Variants in MAPDA observed in about 807,000 individuals in gnomAD.
The protein encoded by MAPDA is N6-Methyl-AMP deaminase.
chr15:43,337,164 T>C, the MAPDA span, among the ~76,000 whole-genome samples: 1 of 150,560 alleles, frequency 6.6e-6, no homozygotes, highest in African/African-American at 2.4e-5. Flanking sequence ...TAGTCCCAGC[T>C]ACTCGGGAGG....
chr15:43,330,641 G>T, the MAPDA span: 1 of 879,820 alleles, frequency 1.1e-6, no homozygotes, highest in Non-Finnish European at 1.6e-6. Flanking sequence ...TCCGGGAAGA[G>T]CGCATCTCGC....
At chr15:43,346,142 C>A in the MAPDA span, among the ~76,000 whole-genome samples, 1 of 152,094 alleles carries the variant, frequency 6.6e-6, no homozygotes. Context: ...ATGCCTAGAG[C>A]AGCTCTCATC....
the MAPDA span, chr15:43,349,033 C>CGGA: frequency 2.5e-6 from 4 of 1,614,156 alleles, no homozygotes; most frequent in Non-Finnish European, 3.4e-6. Flanking sequence ...GAGGCAACAT[C>CGGA]GGATACCACT....
the MAPDA span, among the ~76,000 whole-genome samples, chr15:43,346,447 T>G: frequency 6.6e-6 from 1 of 152,188 alleles, no homozygotes; most frequent in Admixed American, 6.5e-5. Flanking sequence ...GTAGGATGTT[T>G]AGCAGCATCC....
At chr15:43,353,716 C>T in the MAPDA span, 1 of 152,242 alleles carries the variant, frequency 6.6e-6, no homozygotes, top group Non-Finnish European at 1.5e-5. Flanking sequence ...CTCCATAAAA[C>T]TCCAGAAGAA....
the MAPDA span, chr15:43,349,230 G>T: frequency 7.2e-7 from 1 of 1,383,836 alleles, no homozygotes; most frequent in Non-Finnish European, 9.3e-7. Flanking sequence ...TAGAATATAA[G>T]CTCTATGAGA....
chr15:43,347,249 C>T, the MAPDA span, among the ~76,000 whole-genome samples: 1 of 152,156 alleles, frequency 6.6e-6, no homozygotes, highest in Non-Finnish European at 1.5e-5. Flanking sequence ...AAATACATGA[C>T]TTGCTTCAGT....
At chr15:43,343,292 A>G in the MAPDA span, among the ~76,000 whole-genome samples, 32 of 152,360 alleles carry the variant, frequency 2.1e-4, no homozygotes, top group African/African-American at 7.2e-4. Context: ...TGAGTAAAGT[A>G]TGGTGTTCCT....
the MAPDA span, among the ~76,000 whole-genome samples, chr15:43,338,438 T>C: frequency 1.3e-5 from 2 of 152,230 alleles, no homozygotes; most frequent in Admixed American, 6.5e-5. Context: ...CAGAAGTAGG[T>C]ATTTTTATTG....
At chr15:43,337,039 T>G in the MAPDA span, among the ~76,000 whole-genome samples, 1 of 150,480 alleles carries the variant, frequency 6.6e-6, no homozygotes, top group African/African-American at 2.5e-5. Flanking sequence ...GAGGCCGAGG[T>G]GGGCGGATCA....
the MAPDA span, among the ~76,000 whole-genome samples, chr15:43,345,267 T>C: frequency 1.3e-5 from 2 of 150,008 alleles, no homozygotes; most frequent in East Asian, 3.9e-4. Flanking sequence ...GGCAGGAGAA[T>C]CGCTTGGACC....
the MAPDA span, chr15:43,340,402 T>G: frequency 8.8e-6 from 13 of 1,480,720 alleles, no homozygotes; most frequent in Non-Finnish European, 1.9e-6. Context: ...CTATGTGCTT[T>G]GATCACTCAC....
the MAPDA span, among the ~76,000 whole-genome samples, chr15:43,334,661 A>ATATATATATATATATT: frequency 1.7e-5 from 2 of 117,104 alleles, no homozygotes; most frequent in Non-Finnish European, 1.8e-5. Flanking sequence ...ATATATATAT[A>ATATATATATATATATT]TATTTTATCC....
chr15:43,335,149 C>T, the MAPDA span: 1 of 1,613,870 alleles, frequency 6.2e-7, no homozygotes. Flanking sequence ...AGACAGACTT[C>T]TATTCTGAAT....
the MAPDA span, chr15:43,330,397 C>A: frequency 1.3e-6 from 2 of 1,580,836 alleles, no homozygotes; most frequent in Non-Finnish European, 1.7e-6. Context: ...CCTGCACGTA[C>A]CCGCGCGCGG....
chr15:43,334,402 T>G, the MAPDA span, among the ~76,000 whole-genome samples: 1 of 151,036 alleles, frequency 6.6e-6, no homozygotes, highest in South Asian at 2.1e-4. Context: ...CTGAGGCGGG[T>G]GGATCACTTG....
chr15:43,341,038 A>T, the MAPDA span, among the ~76,000 whole-genome samples: 1 of 152,154 alleles, frequency 6.6e-6, no homozygotes, highest in Non-Finnish European at 1.5e-5. Context: ...CTGGATAGAG[A>T]TGAGATCTGG....
the MAPDA span, chr15:43,343,050 C>A: frequency 6.3e-7 from 1 of 1,586,324 alleles, no homozygotes; most frequent in Admixed American, 1.8e-5. Flanking sequence ...ACAGTCCAAA[C>A]AAGAAAACTT....
the MAPDA span, among the ~76,000 whole-genome samples, chr15:43,334,633 T>TTATATATATATATATATCTATATATATA: frequency 1.5e-5 from 1 of 65,142 alleles, no homozygotes. Context: ...CTCAAAAAAA[T>TTATATATATATATATATCTATATATATA]TATATATATA....
Sources: gnomAD v4.1 joint callset for allele counts (sites outside exome capture counted in the v4.1 genomes callset) on GRCh38, gnomAD v4.1.1 for gene constraint, MANE v1.5 for transcripts, NCBI Gene and HGNC (gene_info 2026-07-23, HGNC 2026-07-21) for gene names.